Variants in CCDC171 observed in about 807,000 individuals in gnomAD.
CCDC171 encodes coiled-coil domain containing 171.
CCDC171 carries 177 observed loss-of-function variants against 168.2 expected under a neutral mutation model. The ratio of observed to expected loss-of-function variants is 1.05; its 90% CI spans 0.93 to 1.19. CCDC171 has a LOEUF of 1.19. CCDC171 is among the 50% of genes most tolerant of loss of function. The pLI, the probability that CCDC171 is intolerant of heterozygous loss-of-function variation, is 0.00. For missense variants in CCDC171, 1,991 were observed against 1,539.0 expected (o/e 1.29, Z -4.91); for synonymous variants, 687 against 540.8 (o/e 1.27, Z -3.75).
At chr9:15,739,062 A>G (rs2054676534) in intron 16 of CCDC171, among the ~76,000 whole-genome samples, 1 of 152,220 alleles carries the variant, frequency 6.6e-6, no homozygotes, top group Non-Finnish European at 1.5e-5. Flanking sequence ...GAGGGAGAGT[A>G]GATATACACA....
chr9:15,973,176 C>T lies in CCDC171; in HGVS notation c.*1340C>T, dbSNP rs1167921516. The T allele has an allele frequency of 6.6e-6, 1 of 152,092 alleles. No individual in the cohort carries two copies. Among genetic ancestry groups the T allele is most frequent in the African/African-American group, 2.4e-5 (1 of 41,418 alleles). 9.4% of individuals were successfully genotyped at this position (152,092 alleles called of 1,614,324 possible). Reference sequence around the variant, plus strand: ...TGTTTTTGTATTAATCATTTAACTCCCTAGTGCTATTAACTTCTGATGTGA... The same window carrying T: ...TGTTTTTGTATTAATCATTTAACTCTCTAGTGCTATTAACTTCTGATGTGA... On this transcript the variant is annotated 3_prime_UTR_variant, in exon 26 of 26. Coordinates refer to ENST00000380701, the MANE Select transcript of CCDC171 (RefSeq NM_173550.4).
chr9:15,955,477 C>T (rs1476655310), intron 25 of CCDC171, among the ~76,000 whole-genome samples: 1 of 152,042 alleles, frequency 6.6e-6, no homozygotes, highest in Non-Finnish European at 1.5e-5. Flanking sequence ...TTTTGCCTAC[C>T]CTGGCTCCTG....
At chr9:15,617,957 G>GT (rs1409978712) in intron 6 of CCDC171, among the ~76,000 whole-genome samples, 2 of 152,194 alleles carry the variant, frequency 1.3e-5, no homozygotes, top group Non-Finnish European at 2.9e-5. Context: ...CTATTGGGAG[G>GT]TCTCTCCCAG....
chr9:15,752,195 CACA>C (rs1173547522), intron 18 of CCDC171, among the ~76,000 whole-genome samples: 2 of 152,090 alleles, frequency 1.3e-5, no homozygotes, highest in African/African-American at 4.8e-5. Flanking sequence ...GAATCAAAAC[CACA>C]ACGAGTTACC....
intron 3 of CCDC171, among the ~76,000 whole-genome samples, chr9:15,988,700 G>A (rs1472873337): frequency 6.6e-6 from 1 of 152,182 alleles, no homozygotes; most frequent in East Asian, 1.9e-4. Context: ...TGTGACAGAC[G>A]GCACATGGAA....
chr9:15,986,153 T>C (rs1398411106), intron 3 of CCDC171, among the ~76,000 whole-genome samples: 1 of 152,196 alleles, frequency 6.6e-6, no homozygotes. Context: ...AGTCTTAAAA[T>C]CAGTTCTAAA....
At chr9:15,581,729 T>C (rs1023160469) in intron 4 of CCDC171, among the ~76,000 whole-genome samples, 3 of 152,122 alleles carry the variant, frequency 2.0e-5, no homozygotes, top group African/African-American at 7.3e-5. Flanking sequence ...GCTAGCCATA[T>C]GCAGAAAGCT....
chr9:16,063,755 AT>A (rs1833961574), downstream of CCDC171, among the ~76,000 whole-genome samples: 1 of 152,142 alleles, frequency 6.6e-6, no homozygotes, highest in Non-Finnish European at 1.5e-5. Flanking sequence ...CCATTATAAC[AT>A]TTGTTCCATC....
rs200852139 is a variant in CCDC171, at chr9:15,666,159, G to A, written c.916-4G>A. ...GATTTAATTACTTGTCTGTCGTCCG[G>A]TAGTTACGGATTCGAGACCTTGAAG... On this transcript the variant is annotated splice_region_variant and splice_polypyrimidine_tract_variant and intron_variant, in intron 8 of 25. Coordinates refer to ENST00000380701, the MANE Select transcript of CCDC171 (RefSeq NM_173550.4). 6.2e-7 allele frequency: 1 copy of A among 1,612,928 alleles called. No individual in the cohort carries two copies. Among genetic ancestry groups the A allele is most frequent in the Non-Finnish European group, 8.5e-7 (1 of 1,179,488 alleles).
chr9:15,557,043 A>C (rs913357845), intron 1 of CCDC171, among the ~76,000 whole-genome samples: 1 of 152,084 alleles, frequency 6.6e-6, no homozygotes, highest in African/African-American at 2.4e-5. Context: ...CAAAGATCAG[A>C]TGGTTGTAGA....
At position 15,874,499 on chromosome 9, in the gene CCDC171, G is replaced by A. The variant is rs371124798; in HGVS notation, c.3469-33G>A. On this transcript the variant is annotated intron_variant, in intron 23 of 25. Transcript: ENST00000380701. ...CATCCCAGTTAATGTGTCTGAAGGGGAATTACCATTGATGCTGTTTTTTTC... is the reference window on the plus strand; with the variant it reads ...CATCCCAGTTAATGTGTCTGAAGGGAAATTACCATTGATGCTGTTTTTTTC... The A allele has an allele frequency of 6.4e-6, 10 of 1,565,086 alleles. No homozygotes were observed. The African/African-American group carries it at 9.6e-5, about 15-fold the overall frequency.
chr9:15,621,855 C>G (rs2044535181), intron 6 of CCDC171, among the ~76,000 whole-genome samples: 1 of 152,104 alleles, frequency 6.6e-6, no homozygotes, highest in Non-Finnish European at 1.5e-5. Flanking sequence ...GCACTATTCA[C>G]AATAGCAAAG....
intron 7 of CCDC171, among the ~76,000 whole-genome samples, chr9:15,652,771 A>T (rs1024727073): frequency 1.3e-5 from 2 of 152,182 alleles, no homozygotes; most frequent in Admixed American, 6.5e-5. Context: ...GAGTTTTGCA[A>T]TTATGACATA....
At chr9:15,800,504 A>G (rs538054758) in intron 21 of CCDC171, among the ~76,000 whole-genome samples, 4 of 152,074 alleles carry the variant, frequency 2.6e-5, no homozygotes, top group African/African-American at 4.8e-5. Flanking sequence ...TGTATATTCT[A>G]GTTATTAATC....
chr9:15,623,386 A>G lies in CCDC171; in HGVS notation c.795A>G (p.Arg265=). The change falls in exon 7 of 26, where the codon CGA becomes CGG. Residue 265 remains arginine (R), a synonymous_variant. Transcript: ENST00000380701. ...GTGAACTTGAATTTAGCACTCAACG[A>G]GAGGAACGCCTTAGAAAAGAATTTG... The part of the protein sequence containing the change: ...QTSELEFSTQ[R]EERLRKEFEA... 1 of 1,611,104 alleles carries G rather than the reference A, an allele frequency of 6.2e-7. No homozygotes were observed. The highest frequency in any genetic ancestry group is 8.5e-7 in the Non-Finnish European group (1 of 1,178,270).
intron 3 of CCDC171, among the ~76,000 whole-genome samples, chr9:16,012,562 C>T (rs892944921): frequency 1.3e-5 from 2 of 149,528 alleles, no homozygotes; most frequent in African/African-American, 2.5e-5. Flanking sequence ...TTTACTATAA[C>T]CCGGATAATT....
At chr9:15,706,083 T>C (rs1411942623) in intron 11 of CCDC171, among the ~76,000 whole-genome samples, 1 of 152,320 alleles carries the variant, frequency 6.6e-6, no homozygotes, top group Non-Finnish European at 1.5e-5. Flanking sequence ...GGGACATTTA[T>C]TTCCTATTTC....
intron 3 of CCDC171, among the ~76,000 whole-genome samples, chr9:15,982,528 G>A (rs958559046): frequency 1.3e-5 from 2 of 152,134 alleles, no homozygotes; most frequent in East Asian, 1.9e-4. Context: ...GAAGGAAAGA[G>A]GGATAATTCA....
chr9:15,865,853 TG>T (rs2061760154), intron 23 of CCDC171, among the ~76,000 whole-genome samples: 2 of 12,684 alleles, frequency 1.6e-4, no homozygotes, highest in Admixed American at 4.0e-3. Context: ...TGCGTGCGTG[TG>T]TGTGTGTGTG....
Sources: gnomAD v4.1 joint callset for allele counts (sites outside exome capture counted in the v4.1 genomes callset) on GRCh38, gnomAD v4.1.1 for gene constraint, MANE v1.5 for transcripts, NCBI Gene and HGNC (gene_info 2026-07-23, HGNC 2026-07-21) for gene names.